Variants in DLG2 observed in about 807,000 individuals in gnomAD.
DLG2 encodes discs large MAGUK scaffold protein 2.
In DLG2, 45 loss-of-function variants were observed where a neutral mutation model predicts 132.5. The observed-to-expected ratio is 0.34, with a 90% CI of 0.27 to 0.44. The LOEUF is 0.44. Ranked by LOEUF, DLG2 falls within the 20% of genes least tolerant of loss-of-function variation. The pLI, the probability that DLG2 is intolerant of heterozygous loss-of-function variation, is 1.00. For synonymous variants in DLG2, 424 were observed against 419.6 expected (o/e 1.01, Z -0.13); for missense variants, 1,045 against 1,196.9 (o/e 0.87, Z 1.87).
At chr11:83,662,315 A>C (rs1243206966) in intron 18 of DLG2, among the ~76,000 whole-genome samples, 2 of 152,224 alleles carry the variant, frequency 1.3e-5, no homozygotes, top group African/African-American at 2.4e-5. Context: ...TACAGATTGA[A>C]AATGGCTCTA....
intron 7 of DLG2, among the ~76,000 whole-genome samples, chr11:84,450,455 G>A (rs1341363619): frequency 1.3e-5 from 2 of 150,518 alleles, no homozygotes; most frequent in Admixed American, 6.6e-5. Context: ...AAAGCAAGAA[G>A]GTTGGAAAAC....
At chr11:85,123,040 C>T (rs1594550407) in intron 5 of DLG2, among the ~76,000 whole-genome samples, 2 of 131,920 alleles carry the variant, frequency 1.5e-5, no homozygotes, top group African/African-American at 2.9e-5. Flanking sequence ...TGCCATGGTG[C>T]GATCTCGGCT....
At chr11:85,029,194 T>TC (rs1284967036) in intron 6 of DLG2, among the ~76,000 whole-genome samples, 2 of 150,428 alleles carry the variant, frequency 1.3e-5, no homozygotes, top group Non-Finnish European at 3.0e-5. Context: ...TTACCACTCT[T>TC]TTTTTTTTTT....
chr11:84,975,925 T>C (rs1304520363), intron 6 of DLG2, among the ~76,000 whole-genome samples: 1 of 152,154 alleles, frequency 6.6e-6, no homozygotes, highest in African/African-American at 2.4e-5. Context: ...CTACTTGGAA[T>C]CTCCATTCTC....
intron 6 of DLG2, among the ~76,000 whole-genome samples, chr11:84,711,643 T>G (rs1040059941): frequency 6.6e-6 from 1 of 151,936 alleles, no homozygotes; most frequent in Non-Finnish European, 1.5e-5. Context: ...CCAGTAAAGA[T>G]CAATGCATCA....
intron 10 of DLG2, among the ~76,000 whole-genome samples, chr11:84,069,894 G>T (rs2096731294): frequency 6.6e-6 from 1 of 152,212 alleles, no homozygotes; most frequent in South Asian, 2.1e-4. Flanking sequence ...TGGGACTGGA[G>T]ATTACTTAGC....
intron 16 of DLG2, among the ~76,000 whole-genome samples, chr11:83,838,339 T>C (rs953253942): frequency 6.6e-6 from 1 of 152,184 alleles, no homozygotes; most frequent in Non-Finnish European, 1.5e-5. Flanking sequence ...TTGAAAAATG[T>C]TTATAATGAA....
chr11:83,642,217 G>GT (rs2153484932), intron 18 of DLG2, among the ~76,000 whole-genome samples: 1 of 152,288 alleles, frequency 6.6e-6, no homozygotes, highest in Admixed American at 6.5e-5. Flanking sequence ...AAATGCTAAC[G>GT]TAAGTGCTTG....
intron 11 of DLG2, among the ~76,000 whole-genome samples, chr11:84,011,090 A>G (rs2094864222): frequency 1.3e-5 from 2 of 152,274 alleles, no homozygotes; most frequent in South Asian, 4.1e-4. Flanking sequence ...AAAATAAAAA[A>G]TAAAACAGGT....
intron 11 of DLG2, among the ~76,000 whole-genome samples, chr11:84,053,897 T>C (rs2096451513): frequency 6.6e-6 from 1 of 152,026 alleles, no homozygotes; most frequent in Admixed American, 6.6e-5. Flanking sequence ...CAGTTTACAC[T>C]GATACAGAGC....
intron 6 of DLG2, among the ~76,000 whole-genome samples, chr11:85,066,531 C>G (rs1162686032): frequency 6.6e-6 from 1 of 151,450 alleles, no homozygotes; most frequent in Non-Finnish European, 1.5e-5. Context: ...AAGATAGAGG[C>G]AAAAATTCTC....
At chr11:83,660,375 T>C (rs2073942201) in intron 18 of DLG2, among the ~76,000 whole-genome samples, 2 of 152,198 alleles carry the variant, frequency 1.3e-5, no homozygotes, top group Admixed American at 1.3e-4. Context: ...TCTTCAGAAA[T>C]ATGAATCAAG....
intron 8 of DLG2, among the ~76,000 whole-genome samples, chr11:84,190,641 T>C (rs899381008): frequency 6.6e-6 from 1 of 152,314 alleles, no homozygotes; most frequent in East Asian, 1.9e-4. Flanking sequence ...GGCTAATATA[T>C]ACATTCAATG....
At chr11:84,278,217 C>A (rs1437877915) in intron 7 of DLG2, among the ~76,000 whole-genome samples, 1 of 151,742 alleles carries the variant, frequency 6.6e-6, no homozygotes, top group Non-Finnish European at 1.5e-5. Context: ...ACTTTTTCCC[C>A]CCAAAAATTA....
chr11:84,360,196 C>T (rs1365452491), intron 7 of DLG2, among the ~76,000 whole-genome samples: 1 of 151,466 alleles, frequency 6.6e-6, no homozygotes, highest in Admixed American at 6.6e-5. Flanking sequence ...TGCCTTATAG[C>T]CACATTATCT....
intron 9 of DLG2, among the ~76,000 whole-genome samples, chr11:84,158,744 A>G (rs1441403568): frequency 2.0e-5 from 3 of 152,220 alleles, no homozygotes; most frequent in Non-Finnish European, 4.4e-5. Context: ...TTGACATCTA[A>G]TAAAGAAAAG....
chr11:85,453,169 T>A, intron 3 of DLG2: 1 of 304,828 alleles, frequency 3.3e-6, no homozygotes, highest in Non-Finnish European at 6.4e-6. Flanking sequence ...TTCCTTCTGA[T>A]AGCATCATTT....
intron 6 of DLG2, among the ~76,000 whole-genome samples, chr11:84,575,816 T>C (rs2099498368): frequency 1.3e-5 from 2 of 152,220 alleles, no homozygotes; most frequent in Non-Finnish European, 2.9e-5. Flanking sequence ...TGTAGGCTTC[T>C]TCAGACTTGA....
intron 8 of DLG2, among the ~76,000 whole-genome samples, chr11:84,244,086 A>G (rs2097270065): frequency 6.6e-6 from 1 of 152,210 alleles, no homozygotes; most frequent in Admixed American, 6.5e-5. Context: ...TTTGTTACTC[A>G]AAGTATGATG....
Sources: allele counts gnomAD v4.1 joint callset (sites outside exome capture counted in the v4.1 genomes callset), GRCh38; gene constraint gnomAD v4.1.1; transcripts MANE v1.5; gene names NCBI Gene and HGNC (gene_info 2026-07-23, HGNC 2026-07-21).